Variants in ASIC2 observed in about 807,000 individuals in gnomAD.
The protein encoded by ASIC2 is acid-sensing ion channel 2.
ASIC2 carries 25 observed loss-of-function variants against 57.3 expected under a neutral mutation model. That is an observed-to-expected ratio of 0.44 (90% CI 0.32 to 0.61). The LOEUF (loss-of-function observed/expected upper bound fraction) is 0.61. Ranked by LOEUF, ASIC2 falls within the 20% of genes least tolerant of loss-of-function variation. The pLI is 0.06. For missense variants in ASIC2, 641 were observed against 738.1 expected (o/e 0.87, Z 1.52); for synonymous variants, 319 against 307.5 (o/e 1.04, Z -0.39).
At chr17:33,346,053 C>T (rs981279051) in intron 1 of ASIC2, among the ~76,000 whole-genome samples, 1 of 151,526 alleles carries the variant, frequency 6.6e-6, no homozygotes, top group Admixed American at 6.6e-5. Flanking sequence ...ATGGCAAAAC[C>T]CCATCTTTAC....
chr17:33,977,546 A>C (rs984902236), intron 1 of ASIC2, among the ~76,000 whole-genome samples: 1 of 152,188 alleles, frequency 6.6e-6, no homozygotes, highest in African/African-American at 2.4e-5. Flanking sequence ...TTGAGCACCT[A>C]CTGTTAGCCA....
chr17:33,464,489 TTTC>T (rs1217827698), intron 1 of ASIC2, among the ~76,000 whole-genome samples: 6 of 34,570 alleles, frequency 1.7e-4, no homozygotes, highest in Non-Finnish European at 3.1e-4. Context: ...TCTCTCTTTC[TTTC>T]TTTCTTTCTT....
At chr17:33,499,365 G>A (rs1050230558) in intron 1 of ASIC2, among the ~76,000 whole-genome samples, 7 of 152,196 alleles carry the variant, frequency 4.6e-5, no homozygotes, top group Non-Finnish European at 1.0e-4. Flanking sequence ...AGGGGTCTTT[G>A]CAGATGTAAT....
intron 1 of ASIC2, among the ~76,000 whole-genome samples, chr17:33,421,802 A>G (rs1397118559): frequency 1.3e-5 from 2 of 152,172 alleles, no homozygotes; most frequent in Admixed American, 6.5e-5. Flanking sequence ...CCTTCAGTGC[A>G]AGGTCCAGGT....
chr17:33,474,576 G>C (rs1476335870), intron 1 of ASIC2, among the ~76,000 whole-genome samples: 2 of 152,178 alleles, frequency 1.3e-5, no homozygotes, highest in Admixed American at 6.5e-5. Flanking sequence ...TGCACAGCAG[G>C]CCACCTTGAG....
intron 1 of ASIC2, among the ~76,000 whole-genome samples, chr17:34,018,712 C>G (rs1342244821): frequency 2.0e-5 from 3 of 152,200 alleles, no homozygotes; most frequent in Non-Finnish European, 4.4e-5. Context: ...AGGAATGTAA[C>G]TGCAGATGTG....
At chr17:33,389,979 C>T (rs963383102) in intron 1 of ASIC2, among the ~76,000 whole-genome samples, 1 of 152,094 alleles carries the variant, frequency 6.6e-6, no homozygotes, top group African/African-American at 2.4e-5. Context: ...CCTGCTGAGG[C>T]CCAGCCTGAG....
intron 9 of ASIC2, among the ~76,000 whole-genome samples, chr17:33,015,370 G>C (rs1281335949): frequency 6.6e-6 from 1 of 152,200 alleles, no homozygotes; most frequent in Non-Finnish European, 1.5e-5. Context: ...CTATAGGAAA[G>C]AGAGGCAGAG....
intron 1 of ASIC2, among the ~76,000 whole-genome samples, chr17:33,491,093 T>G (rs1913740655): frequency 6.6e-6 from 1 of 152,144 alleles, no homozygotes; most frequent in Non-Finnish European, 1.5e-5. Flanking sequence ...TGCACCTACT[T>G]CCATTCCTCC....
chr17:33,530,703 A>C (rs1026053754), intron 1 of ASIC2, among the ~76,000 whole-genome samples: 1 of 152,228 alleles, frequency 6.6e-6, no homozygotes, highest in African/African-American at 2.4e-5. Flanking sequence ...AACAGCTCAT[A>C]GTCCTGCCTA....
At chr17:33,886,530 C>CAT (rs952321684) in intron 1 of ASIC2, among the ~76,000 whole-genome samples, 7 of 152,268 alleles carry the variant, frequency 4.6e-5, no homozygotes, top group Admixed American at 3.3e-4. Flanking sequence ...TACACACACA[C>CAT]ATGCCCATGA....
intron 1 of ASIC2, chr17:33,791,762 G>A (rs1224778512): frequency 1.3e-5 from 2 of 151,738 alleles, no homozygotes; most frequent in African/African-American, 4.8e-5. Flanking sequence ...TCTTTAAAGT[G>A]CTATAATAGT....
At chr17:33,579,163 G>GT (rs1916769403) in intron 1 of ASIC2, among the ~76,000 whole-genome samples, 1 of 151,780 alleles carries the variant, frequency 6.6e-6, no homozygotes, top group Non-Finnish European at 1.5e-5. Flanking sequence ...GTGGGCGCCT[G>GT]TAATCCCAGC....
chr17:33,503,742 G>A (rs1914168499), intron 1 of ASIC2, among the ~76,000 whole-genome samples: 1 of 152,152 alleles, frequency 6.6e-6, no homozygotes, highest in African/African-American at 2.4e-5. Flanking sequence ...TCCTAGCTCT[G>A]CCACCAAAGA....
intron 1 of ASIC2, among the ~76,000 whole-genome samples, chr17:33,418,024 A>ATATGTGTGTGTGTGTG (rs772080220): frequency 1.8e-5 from 2 of 110,248 alleles, no homozygotes; most frequent in East Asian, 4.2e-4. Flanking sequence ...CTCAGCATGT[A>ATATGTGTGTGTGTGTG]TGTATGTGTG....
intron 1 of ASIC2, among the ~76,000 whole-genome samples, chr17:33,797,125 A>G (rs939167180): frequency 7.9e-5 from 12 of 152,224 alleles, no homozygotes; most frequent in Non-Finnish European, 1.5e-4. Flanking sequence ...CGCAGTGCCC[A>G]GTACATCAAT....
At chr17:33,467,204 G>A (rs8075038) in intron 1 of ASIC2, among the ~76,000 whole-genome samples, 33,124 of 152,120 alleles carry the variant, frequency 0.22, 3,732 homozygotes, top group Non-Finnish European at 0.24. Flanking sequence ...GCCTCCCAAA[G>A]TGTTGGGATT....
At chr17:33,868,665 C>T (rs1042071080) in intron 1 of ASIC2, among the ~76,000 whole-genome samples, 2 of 152,066 alleles carry the variant, frequency 1.3e-5, no homozygotes, top group African/African-American at 4.8e-5. Context: ...AAAGAAAACC[C>T]ACAGAATGGG....
At chr17:33,725,147 C>G (rs1909506302) in intron 1 of ASIC2, among the ~76,000 whole-genome samples, 1 of 152,254 alleles carries the variant, frequency 6.6e-6, no homozygotes, top group South Asian at 2.1e-4. Flanking sequence ...GGCAGCTCTG[C>G]TCCCCACAGC....
Sources: allele counts gnomAD v4.1 joint callset (sites outside exome capture counted in the v4.1 genomes callset), GRCh38; gene constraint gnomAD v4.1.1; transcripts MANE v1.5; gene names NCBI Gene and HGNC (gene_info 2026-07-23, HGNC 2026-07-21).